The following TDRD1 variants were observed in gnomAD, a reference collection of about 807,000 sequenced individuals.
The protein encoded by TDRD1 is tudor domain containing 1, also known as tudor domain-containing protein 1.
A neutral mutation model predicts 140.6 loss-of-function variants in TDRD1; 37 were observed. The observed-to-expected ratio is 0.26, with a 90% CI of 0.20 to 0.35. The LOEUF is 0.35. Among genes scored for constraint, TDRD1 ranks in the 10% least tolerant of loss-of-function variants. The pLI is 1.00. For synonymous variants in TDRD1, 506 were observed against 475.7 expected (o/e 1.06, Z -0.83); for missense variants, 1,243 against 1,393.0 (o/e 0.89, Z 1.71).
intron 22 of TDRD1, 68 bp from the exon 23 acceptor site, chr10:114,227,004 T>C: frequency 1.2e-6 from 1 of 845,178 alleles, no homozygotes; most frequent in South Asian, 1.8e-5. Flanking sequence ...CTTATTATTC[T>C]TAGATAATTT....
chr10:114,231,781 T>A (rs1394341128), exon 26 of TDRD1: 2 of 409,158 alleles, frequency 4.9e-6, no homozygotes, highest in African/African-American at 4.2e-5. Flanking sequence ...TATATGTAAC[T>A]TTTTATTACT....
chr10:114,194,864 T>TCC (rs199691559), intron 3 of TDRD1, among the ~76,000 whole-genome samples: 2,943 of 149,488 alleles, frequency 0.02, 57 homozygotes, highest in Non-Finnish European at 0.031. Flanking sequence ...ACTCAAGCAA[T>TCC]CCCATTTGCT....
intron 3 of TDRD1, among the ~76,000 whole-genome samples, chr10:114,193,243 G>T (rs1192232324): frequency 6.8e-6 from 1 of 146,268 alleles, no homozygotes; most frequent in Non-Finnish European, 1.5e-5. Context: ...GTGGAAATAT[G>T]ATTGGTTTTT....
At chr10:114,216,237 G>A (rs1356269526) in intron 16 of TDRD1, among the ~76,000 whole-genome samples, 2 of 152,106 alleles carry the variant, frequency 1.3e-5, no homozygotes, top group Admixed American at 1.3e-4. Context: ...TTTCACTAGT[G>A]TCCTTTTTCT....
chr10:114,213,453 A>G, exon 15 of TDRD1: 2 of 1,614,130 alleles, frequency 1.2e-6, no homozygotes, highest in South Asian at 1.1e-5. Context: ...GTTGGAAAAC[A>G]GTTCCCTGGT....
chr10:114,220,804 A>G (rs763816333), exon 19 of TDRD1: 52 of 1,612,154 alleles, frequency 3.2e-5, no homozygotes, highest in Non-Finnish European at 4.3e-5. Flanking sequence ...CAGACTTGTT[A>G]ATAAACATGA....
intron 16 of TDRD1, among the ~76,000 whole-genome samples, chr10:114,214,361 C>T (rs2035674726): frequency 6.6e-6 from 1 of 152,118 alleles, no homozygotes; most frequent in Non-Finnish European, 1.5e-5. Flanking sequence ...CTCCTAAATT[C>T]ATTTACAGAA....
At position 114,203,378 on chromosome 10, in the gene TDRD1, T is replaced by A; in HGVS notation, c.802-10T>A. 6.4e-7 allele frequency: 1 copy of A among 1,565,684 alleles called. No homozygotes were observed. ...TATGAATTATTCCTCTTTTTTTTTA[T>A]CTTTGAAAGGGTACGGTTACCGAAT... On this transcript the variant is annotated splice_polypyrimidine_tract_variant and intron_variant, in intron 7 of 25. Transcript: ENST00000251864.
At chr10:114,230,311 G>A (rs946428087) in intron 25 of TDRD1, among the ~76,000 whole-genome samples, 1 of 152,186 alleles carries the variant, frequency 6.6e-6, no homozygotes, top group Non-Finnish European at 1.5e-5. Context: ...TTGATTTAAA[G>A]CATAGTAGTT....
At chr10:114,227,205 T>G in exon 23 of TDRD1, 1 of 1,614,132 alleles carries the variant, frequency 6.2e-7, no homozygotes. Context: ...TTGAGAAATG[T>G]TCTGAGAATG....
intron 3 of TDRD1, among the ~76,000 whole-genome samples, chr10:114,194,059 G>A (rs1446685646): frequency 6.6e-6 from 1 of 152,132 alleles, no homozygotes; most frequent in African/African-American, 2.4e-5. Context: ...ACTTGGTCGT[G>A]ATATACAATT....
intron 1 of TDRD1, among the ~76,000 whole-genome samples, chr10:114,184,696 C>T (rs536910743): frequency 6.6e-6 from 1 of 152,294 alleles, no homozygotes; most frequent in South Asian, 2.1e-4. Flanking sequence ...TCAAATTTGT[C>T]ATCTTTGTGA....
At chr10:114,212,489 A>G (rs1166182109) in intron 14 of TDRD1, among the ~76,000 whole-genome samples, 3 of 152,192 alleles carry the variant, frequency 2.0e-5, no homozygotes, top group Admixed American at 6.5e-5. Flanking sequence ...TCTCATACAC[A>G]TTGGTGCATC....
intron 10 of TDRD1, 132 bp downstream of exon 10, chr10:114,205,025 A>G (rs139380835): frequency 7.8e-4 from 542 of 691,838 alleles, no homozygotes; most frequent in Non-Finnish European, 1.0e-3. Context: ...GACTGAACCC[A>G]TTCTTGAAAT....
chr10:114,210,583 G>T, exon 12 of TDRD1: 1 of 1,584,664 alleles, frequency 6.3e-7, no homozygotes, highest in Non-Finnish European at 8.6e-7. Context: ...CTGATAAGGT[G>T]ATCCTGAAGA....
intron 6 of TDRD1, among the ~76,000 whole-genome samples, chr10:114,202,528 T>C (rs1240614895): frequency 6.6e-6 from 1 of 152,234 alleles, no homozygotes; most frequent in Admixed American, 6.5e-5. Context: ...GGATTAATCA[T>C]GCCTCTGAAG....
chr10:114,214,108 G>C (rs2035656932), exon 16 of TDRD1: 1 of 1,613,320 alleles, frequency 6.2e-7, no homozygotes, highest in African/African-American at 1.3e-5. Flanking sequence ...TGTGCTTAAA[G>C]AGGATGGTAA....
At chr10:114,188,876 G>GAAA (rs34349007) in intron 2 of TDRD1, among the ~76,000 whole-genome samples, 2 of 107,148 alleles carry the variant, frequency 1.9e-5, no homozygotes, top group Non-Finnish European at 3.9e-5. Flanking sequence ...AAAACAAAAT[G>GAAA]AAAAAAAAAA....
chr10:114,177,781 A>G (rs2119825247), upstream of TDRD1, among the ~76,000 whole-genome samples: 1 of 151,706 alleles, frequency 6.6e-6, no homozygotes, highest in East Asian at 1.9e-4. Context: ...AGGGGAAACG[A>G]TGTGGCTTCT....
Sources: allele counts gnomAD v4.1 joint callset (sites outside exome capture counted in the v4.1 genomes callset), GRCh38; gene constraint gnomAD v4.1.1; transcripts MANE v1.5; gene names NCBI Gene and HGNC (gene_info 2026-07-23, HGNC 2026-07-21).